FDFT1: variants seen among roughly 807,000 people sequenced by gnomAD.
The protein encoded by FDFT1 is squalene synthase.
Under a neutral mutation model 46.8 loss-of-function variants are expected in FDFT1, and 68 were observed. The observed-to-expected ratio is 1.45, with a 90% CI of 1.19 to 1.78. The LOEUF is 1.78. Among genes scored for constraint, FDFT1 ranks in the 40% most tolerant of loss-of-function variants. The pLI is 0.00. For missense variants in FDFT1, 928 were observed against 524.4 expected (o/e 1.77, Z -7.52); for synonymous variants, 351 against 185.1 (o/e 1.90, Z -7.28).
At chr8:11,826,331 A>G (rs778976864) in intron 5 of FDFT1, 116 bp downstream of exon 5, 10 of 699,674 alleles carry the variant, frequency 1.4e-5, no homozygotes, top group Non-Finnish European at 1.8e-5. Context: ...CAGGCAGCAT[A>G]AGGGGATGTG....
At chr8:11,836,773 C>T (rs941492754) in intron 7 of FDFT1, among the ~76,000 whole-genome samples, 5 of 152,200 alleles carry the variant, frequency 3.3e-5, no homozygotes, top group South Asian at 2.1e-4. Context: ...GAGTGGCTCA[C>T]GCCTGTAATC....
intron 7 of FDFT1, among the ~76,000 whole-genome samples, chr8:11,834,280 C>G (rs954337965): frequency 5.3e-5 from 8 of 152,362 alleles, no homozygotes; most frequent in African/African-American, 1.9e-4. Flanking sequence ...TCACCCCACT[C>G]TGGAGCAGCC....
chr8:11,830,406 T>C lies in FDFT1; in HGVS notation c.865T>C (p.Cys289Arg), dbSNP rs1459155890. Reference protein sequence around the residue: ...RLRNQSVFNFCAIPQVMAIAT... With the variant: ...RLRNQSVFNFRAIPQVMAIAT... The stretch of plus-strand genomic sequence containing the variant: ...CAGAAACCAGAGTGTGTTTAACTTC[T>C]GTGCTATTCCACAGGTAGGGAAGGG... Residue 289 changes from cysteine to arginine, a missense_variant, in exon 6 of 8, where the codon TGT becomes CGT. Coordinates refer to ENST00000220584, the MANE Select transcript of FDFT1 (RefSeq NM_004462.5). 3 of 1,613,398 alleles carry C rather than the reference T, an allele frequency of 1.9e-6. No homozygotes were observed. Among genetic ancestry groups the C allele is most frequent in the Non-Finnish European group, 8.5e-7 (1 of 1,179,566 alleles).
intron 1 of FDFT1, among the ~76,000 whole-genome samples, chr8:11,804,998 TC>T (rs1394277227): frequency 6.6e-6 from 1 of 150,996 alleles, no homozygotes; most frequent in Non-Finnish European, 1.5e-5. Context: ...AGTTTTGACT[TC>T]CTTGGCTGAA....
intron 1 of FDFT1, among the ~76,000 whole-genome samples, chr8:11,805,812 A>G (rs1288752374): frequency 1.3e-5 from 2 of 152,118 alleles, no homozygotes; most frequent in East Asian, 1.9e-4. Flanking sequence ...TTTATTGCCT[A>G]TTTTCTAAAA....
At chr8:11,835,822 G>A (rs914444970) in intron 7 of FDFT1, among the ~76,000 whole-genome samples, 1 of 151,972 alleles carries the variant, frequency 6.6e-6, no homozygotes, top group Admixed American at 6.6e-5. Flanking sequence ...CTCTGAGAAG[G>A]TAAGTCTTAA....
chr8:11,821,104 A>T (rs1222914262), intron 3 of FDFT1, among the ~76,000 whole-genome samples: 1 of 152,216 alleles, frequency 6.6e-6, no homozygotes, highest in African/African-American at 2.4e-5. Flanking sequence ...GTTTGCACAA[A>T]TGAATCTTTC....
At chr8:11,809,994 C>T in intron 3 of FDFT1, 144 bp downstream of exon 3, 1 of 602,326 alleles carries the variant, frequency 1.7e-6, no homozygotes, top group Non-Finnish European at 2.8e-6. Flanking sequence ...CTCCGGTAGC[C>T]AAGACTCTGA....
chr8:11,827,963 A>T (rs1479641048), intron 5 of FDFT1, among the ~76,000 whole-genome samples: 1 of 152,092 alleles, frequency 6.6e-6, no homozygotes, highest in Non-Finnish European at 1.5e-5. Flanking sequence ...GCACTTTGGG[A>T]AGCCCAGGTG....
intron 1 of FDFT1, among the ~76,000 whole-genome samples, chr8:11,804,767 C>T (rs562898886): frequency 1.2e-3 from 175 of 151,840 alleles, no homozygotes; most frequent in Non-Finnish European, 1.8e-3. Context: ...CCACTACGCC[C>T]GGCTGATTTT....
At chr8:11,814,838 C>CT (rs1464527111) in intron 3 of FDFT1, among the ~76,000 whole-genome samples, 2 of 151,730 alleles carry the variant, frequency 1.3e-5, no homozygotes, top group East Asian at 3.9e-4. Flanking sequence ...TCACTAGAAT[C>CT]TAAGCTCTTC....
chr8:11,809,820 G>A lies in FDFT1; in HGVS notation c.351G>A (p.Lys117=), dbSNP rs1033734483. The change falls in exon 3 of 8, where the codon AAG becomes AAA. Residue 117 remains lysine, a synonymous_variant. Coordinates refer to ENST00000220584, the MANE Select transcript of FDFT1 (RefSeq NM_004462.5). Reference sequence around the variant, plus strand: ...GGCGGTTCATGGAGAGCAAGGAGAAGGATCGCCAGGTGCTGGAGGACTTCC... The same window carrying A: ...GGCGGTTCATGGAGAGCAAGGAGAAAGATCGCCAGGTGCTGGAGGACTTCC... The part of the protein sequence containing the change: ...PDWRFMESKE[K]DRQVLEDFPT... 2.5e-6 allele frequency: 4 copies of A among 1,613,936 alleles called. No homozygotes were observed. The Admixed American group carries it at 5.0e-5, about 20-fold the overall frequency.
intron 3 of FDFT1, among the ~76,000 whole-genome samples, chr8:11,813,710 C>T (rs974461453): frequency 2.6e-5 from 4 of 152,202 alleles, no homozygotes; most frequent in Non-Finnish European, 5.9e-5. Context: ...CCTGTGAACT[C>T]GCTCTGGGAC....
At chr8:11,799,720 G>A (rs1337467068), upstream of FDFT1, among the ~76,000 whole-genome samples, 1 of 151,998 alleles carries the variant, frequency 6.6e-6, no homozygotes, top group African/African-American at 2.4e-5. Flanking sequence ...GGCTGAGGCG[G>A]GCGGATCACG....
In FDFT1 at chr8:11,808,868, C is replaced by G. The variant is rs1357196682; in HGVS notation, c.174C>G (p.Ile58Met). ...CCAGTCGCAGTTTCGCAGCTGTTATCCAGGCGCTGGATGGGGAAATGCGGT... is the reference window on the plus strand; with the variant it reads ...CCAGTCGCAGTTTCGCAGCTGTTATGCAGGCGCTGGATGGGGAAATGCGGT... ...NQTSRSFAAVIQALDGEMRNA... is the reference protein window; with the variant it reads ...NQTSRSFAAVMQALDGEMRNA... The change falls in exon 2 of 8, where the codon ATC becomes ATG. Residue 58 changes from isoleucine (I) to methionine (M), a missense_variant. By Grantham distance (10) the Ile-to-Met change is conservative (BLOSUM62 1). Transcript: ENST00000220584. 6.2e-7 allele frequency: 1 copy of G among 1,613,896 alleles called. No individual in the cohort carries two copies. The highest frequency in any genetic ancestry group is 8.5e-7 in the Non-Finnish European group (1 of 1,179,992).
At position 11,802,913 on chromosome 8, in the gene FDFT1, G is replaced by C; in HGVS notation, c.81G>C (p.Val27=). The change falls in exon 1 of 8, where the codon GTG becomes GTC. Residue 27 remains valine, a synonymous_variant. Transcript: ENST00000220584. ...VRFRIGGKRK[V]MPKMDQDSLS... is the part of the protein sequence containing the mutation. ...TCCGGATCGGGGGCAAGCGGAAGGT[G>C]ATGCCCAAGATGGACCAGGTGGGCC... 1 of 1,609,714 alleles carries C rather than the reference G, an allele frequency of 6.2e-7. No individual in the cohort carries two copies. Among genetic ancestry groups the C allele is most frequent in the East Asian group, 2.2e-5 (1 of 44,768 alleles).
intron 7 of FDFT1, among the ~76,000 whole-genome samples, chr8:11,832,567 AAAAAAAAAAG>A (rs1563341474): frequency 2.7e-5 from 4 of 149,048 alleles, no homozygotes; most frequent in African/African-American, 9.8e-5. Flanking sequence ...AAAAAAAAAA[AAAAAAAAAAG>A]TCTTAGAGAC....
Position 11,826,170 on chromosome 8 carries a change from C to T in FDFT1, c.657C>T (p.Asp219=), listed in dbSNP as rs747003322. 2 of 1,593,026 alleles carry T rather than the reference C, an allele frequency of 1.3e-6. No homozygotes were observed. Among genetic ancestry groups the T allele is most frequent in the African/African-American group, 1.3e-5 (1 of 74,628 alleles). The part of the protein sequence containing the change: ...LFLQKTNIIR[D]YLEDQQGGRE... Reference sequence around the variant, plus strand: ...TGCAGAAAACAAACATCATCCGTGACTATCTGGAAGACCAGCAAGGAGGAA... The same window carrying T: ...TGCAGAAAACAAACATCATCCGTGATTATCTGGAAGACCAGCAAGGAGGAA... The change falls in exon 5 of 8, where the codon GAC becomes GAT. Residue 219 remains aspartate (D), a synonymous_variant. Transcript: ENST00000220584.
At chr8:11,814,285 A>G (rs1450954074) in intron 3 of FDFT1, among the ~76,000 whole-genome samples, 2 of 150,678 alleles carry the variant, frequency 1.3e-5, no homozygotes, top group Non-Finnish European at 2.9e-5. Flanking sequence ...TGGAAGTACC[A>G]GATTGATTTT....
Sources: allele counts gnomAD v4.1 joint callset (sites outside exome capture counted in the v4.1 genomes callset), GRCh38; gene constraint gnomAD v4.1.1; transcripts MANE v1.5; gene names NCBI Gene and HGNC (gene_info 2026-07-23, HGNC 2026-07-21).